KMT2C: variants seen among roughly 807,000 people sequenced by gnomAD.
KMT2C encodes the protein histone-lysine N-methyltransferase 2C.
In KMT2C, 88 loss-of-function variants were observed where a neutral mutation model predicts 507.9. The observed-to-expected ratio is 0.17, with a 90% CI of 0.15 to 0.21. KMT2C has a LOEUF of 0.21. Among genes scored for constraint, KMT2C ranks in the 10% least tolerant of loss-of-function variants. The probability of loss-of-function intolerance (pLI) is 1.00; values close to 1 mark genes in which losing one functional copy is unlikely to be tolerated. For missense variants in KMT2C, 4,954 were observed against 5,957.8 expected (o/e 0.83, Z 5.55); for synonymous variants, 2,049 against 2,080.8 (o/e 0.98, Z 0.42).
intron 47 of KMT2C, 32 bp downstream of exon 47, chr7:152,154,235 A>G (rs1178467723): frequency 1.9e-6 from 3 of 1,612,874 alleles, no homozygotes; most frequent in Non-Finnish European, 2.5e-6. Context: ...CGTAGTGTAA[A>G]GGGAAATAAT....
At chr7:152,379,945 G>A (rs1382267059) in intron 1 of KMT2C, among the ~76,000 whole-genome samples, 3 of 152,256 alleles carry the variant, frequency 2.0e-5, no homozygotes, top group African/African-American at 4.8e-5. Context: ...AAAACTAGCC[G>A]GGAATGGCTG....
chr7:152,170,731 G>A (rs1031303904), intron 40 of KMT2C, among the ~76,000 whole-genome samples: 2 of 152,158 alleles, frequency 1.3e-5, no homozygotes, highest in African/African-American at 2.4e-5. Flanking sequence ...TCAAACTGCT[G>A]ACTTCATAAT....
rs2094192886 is a variant in KMT2C, at chr7:152,203,007, C to A, written c.4019G>T (p.Ser1340Ile). 3 of 1,610,034 alleles carry A rather than the reference C, an allele frequency of 1.9e-6. No homozygotes were observed. Among genetic ancestry groups the A allele is most frequent in the East Asian group, 2.2e-5 (1 of 44,668 alleles). Residue 1340 changes from serine (S) to isoleucine (I), a missense_variant, in exon 26 of 59, where the codon AGC (serine) becomes ATC (isoleucine). This residue lies in a region of KMT2C where 176 missense variants were observed against 262.0 expected (regional missense o/e 0.67). Coordinates refer to ENST00000262189, the MANE Select transcript of KMT2C (RefSeq NM_170606.3). ...LVDESVSVTESTEKIKKRYRK... is the reference protein window; with the variant it reads ...LVDESVSVTEITEKIKKRYRK... Reference sequence around the variant, plus strand: ...GTATCTCTTCTTTATTTTTTCAGTGCTTTCAGTAACAGAAACAGATTCATC... The same window carrying A: ...GTATCTCTTCTTTATTTTTTCAGTGATTTCAGTAACAGAAACAGATTCATC...
At chr7:152,413,885 CAA>C (rs56006056) in intron 1 of KMT2C, among the ~76,000 whole-genome samples, 1 of 108,162 alleles carries the variant, frequency 9.2e-6, no homozygotes, top group Admixed American at 9.4e-5. Context: ...AACTCCGTCT[CAA>C]AAAAAAAAAA....
intron 6 of KMT2C, among the ~76,000 whole-genome samples, chr7:152,306,801 T>A (rs2096618823): frequency 6.6e-6 from 1 of 152,202 alleles, no homozygotes. Flanking sequence ...GTGAGACAAG[T>A]CTTCCTTTCT....
chr7:152,340,927 C>T (rs2096985835), intron 2 of KMT2C, among the ~76,000 whole-genome samples: 1 of 152,110 alleles, frequency 6.6e-6, no homozygotes, highest in African/African-American at 2.4e-5. Context: ...TGTTGGAAGT[C>T]AACTGTTCTC....
chr7:152,136,105 T>C lies in KMT2C; in HGVS notation c.*727A>G, dbSNP rs183537867. The C allele has an allele frequency of 9.3e-5, 20 of 215,534 alleles. No individual in the cohort carries two copies. The highest frequency in any genetic ancestry group is 1.5e-3 in the Middle Eastern group (1 of 680). The allele number at this position is 215,534 out of a possible 1,614,324, so 13.4% of individuals were successfully genotyped here. A position where few individuals can be genotyped will look rare whatever the true frequency, so the allele number is the denominator to read the frequency against. On this transcript the variant is annotated 3_prime_UTR_variant, in exon 59 of 59. Transcript: ENST00000262189. ...TAACAGGGTTTGTTAGTTCTGCAGG[T>C]AACAGCAGCAGCTTGGCTTTCTTCT...
intron 6 of KMT2C, among the ~76,000 whole-genome samples, chr7:152,280,017 T>C (rs2096174120): frequency 6.6e-6 from 1 of 152,380 alleles, no homozygotes; most frequent in African/African-American, 2.4e-5. Context: ...CAGATGTGAT[T>C]AAAGCCACCA....
Position 152,287,712 on chromosome 7 carries a change from C to G in KMT2C, c.850-13845G>C, listed in dbSNP as rs566766977. ...ATAATTATCTATCAAAGATTTTAAA[C>G]TATATAACACTGCTTCAACAAGCAA... On this transcript the variant is annotated intron_variant, in intron 6 of 58. Coordinates refer to ENST00000262189, the MANE Select transcript of KMT2C (RefSeq NM_170606.3). Among the ~76,000 whole-genome samples, 660 of 152,060 alleles carry G rather than the reference C, an allele frequency of 4.3e-3. 2 individuals are homozygous for G. The highest frequency in any genetic ancestry group is 0.015 in the African/African-American group (630 of 41,468).
chr7:152,363,982 C>T (rs558793293), intron 1 of KMT2C, among the ~76,000 whole-genome samples: 17 of 152,194 alleles, frequency 1.1e-4, no homozygotes, highest in Non-Finnish European at 2.1e-4. Context: ...ACCTCAATGA[C>T]TATGTAACAC....
intron 1 of KMT2C, chr7:152,368,189 G>A: frequency 1.1e-6 from 1 of 899,892 alleles, no homozygotes; most frequent in South Asian, 1.3e-5. Flanking sequence ...GGTGAACATT[G>A]TGATTTTACA....
intron 33 of KMT2C, among the ~76,000 whole-genome samples, chr7:152,186,890 C>T (rs577329117): frequency 2.0e-5 from 3 of 151,710 alleles, no homozygotes; most frequent in South Asian, 4.2e-4. Context: ...ATATTGAATT[C>T]GTTTCATAAA....
chr7:152,433,678 T>G (rs915975549), intron 1 of KMT2C, among the ~76,000 whole-genome samples: 1 of 152,248 alleles, frequency 6.6e-6, no homozygotes, highest in Non-Finnish European at 1.5e-5. Flanking sequence ...CATAGTTAGA[T>G]TATACTGTTA....
At chr7:152,209,335 T>C (rs1425090844) in intron 23 of KMT2C, among the ~76,000 whole-genome samples, 2 of 145,800 alleles carry the variant, frequency 1.4e-5, no homozygotes, top group African/African-American at 5.1e-5. Context: ...CTGGTGCCTG[T>C]AGTCCCAGCT....
chr7:152,161,416 C>T (rs979068819), intron 43 of KMT2C, among the ~76,000 whole-genome samples: 1 of 152,296 alleles, frequency 6.6e-6, no homozygotes, highest in South Asian at 2.1e-4. Flanking sequence ...ACTGCACCTT[C>T]TGAAAGATAA....
intron 14 of KMT2C, among the ~76,000 whole-genome samples, chr7:152,243,078 CTATT>C (rs1182001140): frequency 1.3e-5 from 2 of 152,312 alleles, no homozygotes; most frequent in East Asian, 3.9e-4. Flanking sequence ...AAACACTTCA[CTATT>C]TAGGGAATTC....
intron 3 of KMT2C, among the ~76,000 whole-genome samples, chr7:152,315,658 G>T (rs2096715763): frequency 6.6e-6 from 1 of 152,096 alleles, no homozygotes; most frequent in African/African-American, 2.4e-5. Flanking sequence ...GCTAAAGGTG[G>T]GGGCCAAGCA....
intron 1 of KMT2C, among the ~76,000 whole-genome samples, chr7:152,417,874 C>A (rs2097754882): frequency 6.7e-6 from 1 of 150,016 alleles, no homozygotes; most frequent in Admixed American, 6.7e-5. Flanking sequence ...AATCTCTTCA[C>A]CTCGTCATCC....
Position 152,187,964 on chromosome 7 carries a change from T to C in KMT2C, c.4661-117A>G. On this transcript the variant is annotated intron_variant, in intron 31 of 58. Transcript: ENST00000262189. Reference sequence around the variant, plus strand: ...TGCATGGGTCCACATAAACACACATTTTTTTCAACTGAATGTGGATAGAAA... The same window carrying C: ...TGCATGGGTCCACATAAACACACATCTTTTTCAACTGAATGTGGATAGAAA... 4.3e-6 allele frequency: 4 copies of C among 923,888 alleles called. No individual in the cohort carries two copies. The South Asian group carries it at 7.3e-5, about 17-fold the overall frequency. 57.2% of individuals were successfully genotyped at this position (923,888 alleles called of 1,614,324 possible).
Sources: allele counts gnomAD v4.1 joint callset (sites outside exome capture counted in the v4.1 genomes callset), GRCh38; gene constraint gnomAD v4.1.1; regional missense constraint gnomAD v4.1.1; transcripts MANE v1.5; gene names NCBI Gene and HGNC (gene_info 2026-07-23, HGNC 2026-07-21).